The following LDLRAD4 variants were observed in gnomAD, a reference collection of about 807,000 sequenced individuals.
The protein encoded by LDLRAD4 is low-density lipoprotein receptor class A domain-containing protein 4.
A neutral mutation model predicts 17.0 loss-of-function variants in LDLRAD4; 5 were observed. The ratio of observed to expected loss-of-function variants is 0.29; its 90% confidence interval spans 0.15 to 0.62. The LOEUF is 0.62. Among genes scored for constraint, LDLRAD4 ranks in the 20% least tolerant of loss-of-function variants. LDLRAD4 has a pLI of 0.84. For missense variants in LDLRAD4, 340 were observed against 424.7 expected (o/e 0.80, Z 1.75); for synonymous variants, 168 against 171.8 (o/e 0.98, Z 0.17).
At chr18:13,248,882 A>G (rs79367309) in intron 1 of LDLRAD4, among the ~76,000 whole-genome samples, 2,336 of 151,834 alleles carry the variant, frequency 0.015, 49 homozygotes, top group African/African-American at 0.053. Flanking sequence ...ATACCTTAAC[A>G]ACTCTCTCCC....
rs369192363 is a variant in LDLRAD4 at position 13,370,939 on chromosome 18, G to A, written c.-382-16402G>A. On this transcript the variant is annotated intron_variant, in intron 1 of 5. Transcript: ENST00000359446. ...TTGACCAGACTGATCTCAAACTCCT[G>A]ACCTCATGATCTCCCTGCTTCGGCC... is the stretch of plus-strand genomic sequence containing the variant. 1.6e-4 allele frequency among the ~76,000 whole-genome samples: 25 copies of A among 152,128 alleles called. 1 individual carries two copies. The East Asian group carries it at 4.3e-3, about 26-fold the overall frequency.
chr18:13,628,867 G>A (rs1381965838), intron 4 of LDLRAD4, among the ~76,000 whole-genome samples: 1 of 152,218 alleles, frequency 6.6e-6, no homozygotes, highest in African/African-American at 2.4e-5. Flanking sequence ...ATCTCACTTT[G>A]TTGCGCAGGC....
At chr18:13,301,966 C>G (rs2046631171) in intron 1 of LDLRAD4, among the ~76,000 whole-genome samples, 1 of 152,136 alleles carries the variant, frequency 6.6e-6, no homozygotes, top group Non-Finnish European at 1.5e-5. Context: ...TTACCCTGCC[C>G]CAACCCTCAG....
At chr18:13,389,297 C>T (rs2086080565) in intron 2 of LDLRAD4, among the ~76,000 whole-genome samples, 1 of 150,630 alleles carries the variant, frequency 6.6e-6, no homozygotes, top group East Asian at 1.9e-4. Flanking sequence ...TCCTCCCCTC[C>T]AGGCAGGGAT....
chr18:13,343,582 C>T (rs1425962700), intron 1 of LDLRAD4, among the ~76,000 whole-genome samples: 1 of 152,122 alleles, frequency 6.6e-6, no homozygotes, highest in Non-Finnish European at 1.5e-5. Context: ...ATTTATAATC[C>T]TTTGGGTATA....
chr18:13,232,305 G>C (rs1250516937), intron 1 of LDLRAD4, among the ~76,000 whole-genome samples: 2 of 152,192 alleles, frequency 1.3e-5, no homozygotes, highest in Non-Finnish European at 1.5e-5. Flanking sequence ...CTGCCAGTGT[G>C]GCCCCTCTCC....
chr18:13,642,386 G>C, intron 4 of LDLRAD4: 2 of 1,057,250 alleles, frequency 1.9e-6, no homozygotes, highest in Non-Finnish European at 2.3e-6. Context: ...GCTGAAAAGG[G>C]TACCACGCGT....
At chr18:13,455,531 TAGGA>T (rs373893145) in intron 3 of LDLRAD4, among the ~76,000 whole-genome samples, 5,729 of 121,724 alleles carry the variant, frequency 0.047, 129 homozygotes, top group Non-Finnish European at 0.071. Context: ...GAGGAGACAC[TAGGA>T]GCAGCTCAGC....
chr18:13,524,679 T>A (rs1240331525), intron 3 of LDLRAD4, among the ~76,000 whole-genome samples: 2 of 152,206 alleles, frequency 1.3e-5, no homozygotes, highest in African/African-American at 4.8e-5. Context: ...CAAAACCTGC[T>A]CATTCCAGCA....
At chr18:13,384,834 GTA>G (rs2145169995) in intron 1 of LDLRAD4, among the ~76,000 whole-genome samples, 1 of 152,340 alleles carries the variant, frequency 6.6e-6, no homozygotes, top group South Asian at 2.1e-4. Flanking sequence ...TTTAAAGGTT[GTA>G]TAGTACTCCA....
intron 3 of LDLRAD4, among the ~76,000 whole-genome samples, chr18:13,485,035 A>G (rs2093185908): frequency 6.6e-6 from 1 of 152,222 alleles, no homozygotes; most frequent in Non-Finnish European, 1.5e-5. Flanking sequence ...TATTTGGAGA[A>G]ATATTCTGCA....
chr18:13,615,501 C>T (rs537933590), intron 3 of LDLRAD4: 1 of 152,350 alleles, frequency 6.6e-6, no homozygotes, highest in South Asian at 2.1e-4. Flanking sequence ...AGCGCAGACA[C>T]TCATGCCTCT....
At chr18:13,423,630 C>T (rs1467227057) in intron 2 of LDLRAD4, 1 of 152,644 alleles carries the variant, frequency 6.6e-6, no homozygotes, top group Non-Finnish European at 1.5e-5. Context: ...ATTTGTGCTT[C>T]TAGCTGCTGA....
intron 3 of LDLRAD4, among the ~76,000 whole-genome samples, chr18:13,442,766 C>T (rs564088501): frequency 1.6e-4 from 24 of 152,266 alleles, no homozygotes; most frequent in South Asian, 6.2e-4. Flanking sequence ...CGTCCAGAAG[C>T]GATAATTGAG....
intron 3 of LDLRAD4, among the ~76,000 whole-genome samples, chr18:13,523,306 T>G (rs2093981265): frequency 6.6e-6 from 1 of 152,074 alleles, no homozygotes; most frequent in East Asian, 1.9e-4. Flanking sequence ...TCTAATCAGG[T>G]GAGTCTTTAG....
chr18:13,390,685 A>C (rs1404373802), intron 2 of LDLRAD4, among the ~76,000 whole-genome samples: 1 of 151,986 alleles, frequency 6.6e-6, no homozygotes, highest in East Asian at 1.9e-4. Context: ...GACTTGTGCC[A>C]TTCCTTCAGC....
intron 2 of LDLRAD4, among the ~76,000 whole-genome samples, chr18:13,393,309 CA>C (rs1326289700): frequency 6.6e-6 from 1 of 152,198 alleles, no homozygotes; most frequent in Non-Finnish European, 1.5e-5. Flanking sequence ...TTCTTTACTA[CA>C]GAACTTTTCA....
At chr18:13,325,515 C>G (rs779110646) in intron 1 of LDLRAD4, among the ~76,000 whole-genome samples, 1 of 152,160 alleles carries the variant, frequency 6.6e-6, no homozygotes, top group Non-Finnish European at 1.5e-5. Flanking sequence ...ACTTGCAGTC[C>G]GCCCACCCCC....
chr18:13,385,862 A>AT (rs1182077336), intron 1 of LDLRAD4, among the ~76,000 whole-genome samples: 3 of 152,220 alleles, frequency 2.0e-5, no homozygotes, highest in Non-Finnish European at 4.4e-5. Context: ...CAAATAATTT[A>AT]TTTTTTAATT....
Sources: gnomAD v4.1 joint callset for allele counts (sites outside exome capture counted in the v4.1 genomes callset) on GRCh38, gnomAD v4.1.1 for gene constraint, MANE v1.5 for transcripts, NCBI Gene and HGNC (gene_info 2026-07-23, HGNC 2026-07-21) for gene names.